The following CEP170B variants were observed in gnomAD, a reference collection of about 807,000 sequenced individuals.
CEP170B encodes the protein centrosomal protein 170B.
A neutral mutation model predicts 120.6 loss-of-function variants in CEP170B; 55 were observed. The observed-to-expected ratio is 0.46, with a 90% CI of 0.37 to 0.57. The LOEUF (loss-of-function observed/expected upper bound fraction) is 0.57. Ranked by LOEUF, CEP170B falls within the 20% of genes least tolerant of loss-of-function variation. The pLI is 0.00. For missense variants in CEP170B, 2,212 were observed against 2,253.3 expected (o/e 0.98, Z 0.37); for synonymous variants, 1,033 against 954.5 (o/e 1.08, Z -1.52).
chr14:104,890,322 GTGGATGGATGGATGGATGAGTGTGTGGA>G (rs1896756207), intron 13 of CEP170B, among the ~76,000 whole-genome samples: 1 of 112,368 alleles, frequency 8.9e-6, no homozygotes, highest in African/African-American at 3.4e-5. Flanking sequence ...GGGTGGGTGG[GTGGATGGATGGATGGATGAGTGTGTGGA>G]TGGATGGATG....
intron 13 of CEP170B, among the ~76,000 whole-genome samples, chr14:104,890,902 GGGAT>G (rs1318451155): frequency 7.4e-4 from 76 of 102,760 alleles, no homozygotes; most frequent in African/African-American, 2.5e-3. Flanking sequence ...GGTGGATGGA[GGGAT>G]GGATGGATGG....
In CEP170B at chr14:104,872,440, T is replaced by G. The variant is rs555348822; in HGVS notation, c.106-3816T>G. Among the ~76,000 whole-genome samples, 70 of 116,616 alleles carry G rather than the reference T, an allele frequency of 6.0e-4. 4 individuals are homozygous for G. Among genetic ancestry groups the G allele is most frequent in the Non-Finnish European group, 8.6e-4 (51 of 59,520 alleles). 76.5% of individuals were successfully genotyped at this position (116,616 alleles called of 152,430 possible). On this transcript the variant is annotated intron_variant, in intron 2 of 18. Coordinates refer to ENST00000414716, the MANE Select transcript of CEP170B (RefSeq NM_001112726.3). ...TGGGTGTGCCGTGCGTGTGTGCGTG[T>G]GTGTGCCATGTGTGTGCGTGTGGGT...
rs374904669 is a variant in CEP170B, at chr14:104,886,393, C to A, written c.2154C>A (p.Ser718Arg). 5.7e-5 allele frequency: 90 copies of A among 1,582,832 alleles called. No homozygotes were observed. Among genetic ancestry groups the A allele is most frequent in the Non-Finnish European group, 9.4e-6 (11 of 1,166,070 alleles). ...ACAGCCCTGCGGGCCCAGAGAGCAG[C>A]AGGAGGAGTGGGCCTGGGCCACCGG... is the stretch of plus-strand genomic sequence containing the variant. ...RADSPAGPES[S>R]RRSGPGPPEL... Residue 718 changes from serine to arginine, a missense_variant, in exon 12 of 19, where the codon AGC becomes AGA. By Grantham distance (110) the Ser-to-Arg change is moderately radical. Around this residue, in one of 2 missense-constraint regions of CEP170B, gnomAD observed 2,166 missense variants for 2,166.7 expected, o/e 1.00. Coordinates refer to ENST00000414716, the MANE Select transcript of CEP170B (RefSeq NM_001112726.3).
At chr14:104,879,768 G>A (rs1025456200) in intron 5 of CEP170B, among the ~76,000 whole-genome samples, 11 of 152,196 alleles carry the variant, frequency 7.2e-5, no homozygotes, top group Admixed American at 3.3e-4. Context: ...CCCCTGTGGG[G>A]GGCGTGAGGG....
intron 5 of CEP170B, among the ~76,000 whole-genome samples, chr14:104,878,890 A>T (rs945899251): frequency 1.3e-5 from 2 of 152,212 alleles, no homozygotes; most frequent in Admixed American, 1.3e-4. Context: ...GGCTCACAGA[A>T]CAAATGGCTC....
At chr14:104,889,489 C>T (rs1896681699) in intron 12 of CEP170B, 131 bp from the exon 13 acceptor site, 1 of 1,539,500 alleles carries the variant, frequency 6.5e-7, no homozygotes, top group Admixed American at 1.9e-5. Context: ...TCTGTTCTTG[C>T]TTCTAAAACC....
At chr14:104,881,863 T>C (rs1215289272) in intron 6 of CEP170B, among the ~76,000 whole-genome samples, 4 of 152,000 alleles carry the variant, frequency 2.6e-5, no homozygotes, top group African/African-American at 7.3e-5. Flanking sequence ...CCCAGCGCAG[T>C]GTGCACATGG....
At chr14:104,878,545 GC>G (rs1422404021) in intron 5 of CEP170B, 44 bp downstream of exon 5, 2 of 1,589,024 alleles carry the variant, frequency 1.3e-6, no homozygotes, top group Admixed American at 1.7e-5. Context: ...CGAGGGCTCA[GC>G]CCCCCATCCT....
Position 104,896,194 on chromosome 14 carries a change from G to A in CEP170B, c.*1236G>A, listed in dbSNP as rs143286399. The A allele has an allele frequency of 1.5e-3, 330 of 214,760 alleles. 4 individuals carry two copies. In the East Asian group the frequency reaches 0.017, roughly 11 times the overall value. 13.3% of individuals were successfully genotyped at this position (214,760 alleles called of 1,614,324 possible). On this transcript the variant is annotated 3_prime_UTR_variant, in exon 19 of 19. Coordinates refer to ENST00000414716, the MANE Select transcript of CEP170B (RefSeq NM_001112726.3). ...GACCTGGACAGGGCCAGCTGCTGGG[G>A]GAGCGGCACTGGGGACTGGAGGCTG...
chr14:104,878,292 G>C, intron 4 of CEP170B, 151 bp from the exon 5 acceptor site: 1 of 754,706 alleles, frequency 1.3e-6, no homozygotes, highest in Non-Finnish European at 2.2e-6. Context: ...TGAGCACATG[G>C]GTGGGCATGG....
At chr14:104,882,898 G>T (rs1181115756) in intron 7 of CEP170B, 66 bp downstream of exon 7, 7 of 1,529,908 alleles carry the variant, frequency 4.6e-6, no homozygotes, top group Non-Finnish European at 5.3e-6. Context: ...GAAGGGGATG[G>T]CCTGGGCTTG....
intron 13 of CEP170B, 69 bp downstream of exon 13, chr14:104,889,827 G>T: frequency 6.6e-7 from 1 of 1,519,404 alleles, no homozygotes; most frequent in Non-Finnish European, 8.9e-7. Flanking sequence ...CACCCTGAGG[G>T]CAGGGACCAG....
At position 104,894,552 on chromosome 14, in the gene CEP170B, C is replaced by G; in HGVS notation, c.4381C>G (p.Leu1461Val). ...KTSNKEISSI[L>V]KELRRVQKQL... ...ACGTTTCCAGGAAATCAGCTCCATC[C>G]TGAAGGAACTGAGGCGGGTGCAGAA... is the stretch of plus-strand genomic sequence containing the variant. Residue 1461 changes from leucine (L) to valine (V), a missense_variant, in exon 18 of 19, where the codon CTG becomes GTG. Transcript: ENST00000414716. The G allele has an allele frequency of 6.2e-7, 1 of 1,612,832 alleles. No individual in the cohort carries two copies. The highest frequency in any genetic ancestry group is 8.5e-7 in the Non-Finnish European group (1 of 1,179,410).
rs554588587 is a variant in CEP170B, at chr14:104,880,266, C to T, written c.334-21C>T. On this transcript the variant is annotated intron_variant, in intron 5 of 18. Transcript: ENST00000414716. The stretch of plus-strand genomic sequence containing the variant: ...TCCTGAGGCTGGGCCCAGTACCTCA[C>T]CCCGCCTGGCCTGCCCACAGCATGA... 47 of 1,573,426 alleles carry T rather than the reference C, an allele frequency of 3.0e-5. No individual in the cohort carries two copies. The South Asian group carries it at 4.0e-4, about 13-fold the overall frequency.
intron 9 of CEP170B, 43 bp from the exon 10 acceptor site, chr14:104,885,326 G>C: frequency 2.0e-6 from 3 of 1,503,848 alleles, no homozygotes; most frequent in Non-Finnish European, 2.7e-6. Flanking sequence ...TGGGAGGTGG[G>C]CTTCTCTGAC....
Position 104,893,842 on chromosome 14 carries a change from A to G in CEP170B, c.4264A>G (p.Lys1422Glu). 6.2e-7 allele frequency: 1 copy of G among 1,612,092 alleles called. No homozygotes were observed. Among genetic ancestry groups the G allele is most frequent in the Non-Finnish European group, 8.5e-7 (1 of 1,179,492 alleles). The change falls in exon 16 of 19, where the codon AAG (lysine) becomes GAG (glutamate). Residue 1422 changes from lysine (K) to glutamate (E), a missense_variant. Physicochemically the swap from Lys to Glu is moderately conservative, Grantham distance 56 (BLOSUM62 1). Coordinates refer to ENST00000414716, the MANE Select transcript of CEP170B (RefSeq NM_001112726.3). ...IRENTEHLAE[K>E]MKILFQNTGR... ...TGAGAACACAGAGCACCTTGCCGAG[A>G]AGATGAAGTGAGTCGGCTTCCTGGC...
At chr14:104,882,022 G>A (rs918179136) in intron 6 of CEP170B, among the ~76,000 whole-genome samples, 6 of 152,110 alleles carry the variant, frequency 3.9e-5, no homozygotes, top group Non-Finnish European at 8.8e-5. Flanking sequence ...AAAGAGCTTG[G>A]GTGGAGGGCC....
chr14:104,888,022 G>T, intron 12 of CEP170B, 44 bp downstream of exon 12: 1 of 1,444,710 alleles, frequency 6.9e-7, no homozygotes, highest in Non-Finnish European at 9.1e-7. Flanking sequence ...AGACAGGGCT[G>T]CCAGTGGGTC....
intron 12 of CEP170B, 174 bp from the exon 13 acceptor site, chr14:104,889,446 G>T: frequency 6.8e-7 from 1 of 1,475,676 alleles, no homozygotes; most frequent in Middle Eastern, 1.7e-4. Context: ...GAGGGACCCT[G>T]GGACTGCCAC....
Sources: gnomAD v4.1 joint callset for allele counts (sites outside exome capture counted in the v4.1 genomes callset) on GRCh38, gnomAD v4.1.1 for gene constraint, gnomAD v4.1.1 regional missense constraint, MANE v1.5 for transcripts, NCBI Gene and HGNC (gene_info 2026-07-23, HGNC 2026-07-21) for gene names.